The following OTUD7B variants were observed in gnomAD, a reference collection of about 807,000 sequenced individuals.
The protein encoded by OTUD7B is OTU deubiquitinase 7B, also known as OTU domain-containing protein 7B.
OTUD7B carries 34 observed loss-of-function variants against 82.2 expected under a neutral mutation model. That is an observed-to-expected ratio of 0.41 (90% CI 0.31 to 0.55). The LOEUF is 0.55. Ranked by LOEUF, OTUD7B falls within the 20% of genes least tolerant of loss-of-function variation. The probability of loss-of-function intolerance (pLI) is 0.20; values close to 1 mark genes in which losing one functional copy is unlikely to be tolerated. For missense variants in OTUD7B, 944 were observed against 1,062.1 expected (o/e 0.89, Z 1.55); for synonymous variants, 398 against 402.7 (o/e 0.99, Z 0.14).
At chr1:149,958,032 T>C (rs1648829315) in intron 7 of OTUD7B, among the ~76,000 whole-genome samples, 1 of 152,192 alleles carries the variant, frequency 6.6e-6, no homozygotes, top group Non-Finnish European at 1.5e-5. Context: ...CCGTGGGCTA[T>C]ACCCACTGTC....
intron 6 of OTUD7B, among the ~76,000 whole-genome samples, chr1:149,960,377 TTC>T (rs1649056979): frequency 2.2e-3 from 1 of 458 alleles, no homozygotes; most frequent in South Asian, 0.25. Flanking sequence ...TCTTTTCTTT[TTC>T]TTTTCTTTCC....
At chr1:150,049,629 C>CTCTTTTTTTTTTTTT in the OTUD7B span, among the ~76,000 whole-genome samples, 2 of 43,468 alleles carry the variant, frequency 4.6e-5, 1 homozygote, top group Non-Finnish European at 8.7e-5. Flanking sequence ...CTCTCTCTCT[C>CTCTTTTTTTTTTTTT]TTTCTTTTTT....
At chr1:149,945,897 C>T (rs1553771959) in intron 11 of OTUD7B, among the ~76,000 whole-genome samples, 1 of 151,690 alleles carries the variant, frequency 6.6e-6, no homozygotes, top group Non-Finnish European at 1.5e-5. Context: ...CCCATCTCTA[C>T]TAAAAATACA....
chr1:150,004,913 A>C (rs1322267362), intron 1 of OTUD7B, among the ~76,000 whole-genome samples: 1 of 152,034 alleles, frequency 6.6e-6, no homozygotes, highest in Non-Finnish European at 1.5e-5. Flanking sequence ...CCCAGGCTGG[A>C]GTGCAGTGGT....
chr1:149,942,924 G>A lies in OTUD7B; in HGVS notation c.*933C>T, dbSNP rs1252429216. The stretch of plus-strand genomic sequence containing the variant: ...CCTGTAATGCTCTACTTAGGTTTTT[G>A]GTTTTGTTTGAAACAGCCTCTGGCT... On this transcript the variant is annotated 3_prime_UTR_variant, in exon 12 of 12. Coordinates refer to ENST00000581312, the MANE Select transcript of OTUD7B (RefSeq NM_020205.4). 1 of 152,360 alleles carries A rather than the reference G, an allele frequency of 6.6e-6. No homozygotes were observed. The highest frequency in any genetic ancestry group is 1.5e-5 in the Non-Finnish European group (1 of 68,002). The allele number at this position is 152,360 out of a possible 1,614,324, so 9.4% of individuals were successfully genotyped here.
the OTUD7B span, among the ~76,000 whole-genome samples, chr1:150,030,415 T>C: frequency 1.3e-5 from 2 of 152,128 alleles, no homozygotes; most frequent in African/African-American, 2.4e-5. Context: ...CTGTTCAAGG[T>C]TAACATTCCC....
the OTUD7B span, among the ~76,000 whole-genome samples, chr1:150,042,104 ACCCTCCCTCCCT>A: frequency 0.038 from 2,145 of 55,934 alleles, 90 homozygotes; most frequent in African/African-American, 0.13. Context: ...AGAGGTGCAG[ACCCTCCCTCCCT>A]CCCTCCCTCC....
rs782482324 is a variant in OTUD7B at position 149,967,353 on chromosome 1, C to T, written c.443G>A (p.Arg148His). The change falls in exon 4 of 12, where the codon CGC (arginine) becomes CAC (histidine). Residue 148 changes from arginine (R) to histidine (H), a missense_variant. By Grantham distance (29) the Arg-to-His change is conservative (BLOSUM62 0). Around this residue, in one of 3 missense-constraint regions of OTUD7B, gnomAD observed 530 missense variants for 625.6 expected, o/e 0.85. Transcript: ENST00000581312. ...PDLTVYNEDF[R>H]SFIERDLIEQ... Reference sequence around the variant, plus strand: ...AATGAGGTCTCTCTCTATGAAGCTGCGGAAGTCTTCATTGTATACAGTGAG... The same window carrying T: ...AATGAGGTCTCTCTCTATGAAGCTGTGGAAGTCTTCATTGTATACAGTGAG... 10 of 1,613,948 alleles carry T rather than the reference C, an allele frequency of 6.2e-6. No individual in the cohort carries two copies. Among genetic ancestry groups the T allele is most frequent in the East Asian group, 2.2e-5 (1 of 44,892 alleles).
At chr1:149,966,365 T>C (rs181841528) in intron 4 of OTUD7B, among the ~76,000 whole-genome samples, 3 of 152,298 alleles carry the variant, frequency 2.0e-5, no homozygotes, top group Admixed American at 2.0e-4. Flanking sequence ...GAGACCAGTA[T>C]GTATCACAGC....
At chr1:150,046,235 C>T in the OTUD7B span, among the ~76,000 whole-genome samples, 1 of 152,026 alleles carries the variant, frequency 6.6e-6, no homozygotes, top group Non-Finnish European at 1.5e-5. Context: ...CAATCTTCCC[C>T]CAAAACCTGC....
chr1:149,947,659 T>A (rs57594441), intron 10 of OTUD7B, among the ~76,000 whole-genome samples: 2,380 of 152,218 alleles, frequency 0.016, 51 homozygotes, highest in African/African-American at 0.051. Context: ...ATTGTTGTTG[T>A]TGTAAATATT....
At chr1:150,014,036 GTATATATGTGTGTGTATA>G (rs1191598429), upstream of OTUD7B, among the ~76,000 whole-genome samples, 1 of 102,672 alleles carries the variant, frequency 9.7e-6, no homozygotes, top group Non-Finnish European at 1.9e-5. Flanking sequence ...GTATATATAC[GTATATATGTGTGTGTATA>G]TATATGTGTG....
the OTUD7B span, among the ~76,000 whole-genome samples, chr1:150,041,409 T>C: frequency 1.3e-5 from 2 of 152,190 alleles, no homozygotes; most frequent in Non-Finnish European, 1.5e-5. Context: ...CTCAGCTCAC[T>C]GCATCCTCCG....
At chr1:149,976,740 T>C (rs1182753096) in intron 2 of OTUD7B, among the ~76,000 whole-genome samples, 8 of 152,078 alleles carry the variant, frequency 5.3e-5, no homozygotes, top group Non-Finnish European at 1.0e-4. Context: ...ATGTATGTTA[T>C]GTAAGGAAAG....
upstream of OTUD7B, among the ~76,000 whole-genome samples, chr1:150,012,592 G>A (rs368010439): frequency 1.3e-5 from 2 of 152,032 alleles, no homozygotes; most frequent in East Asian, 1.9e-4. Flanking sequence ...AGAACCAGGC[G>A]TGGAGCTCAA....
At chr1:150,029,974 C>T in the OTUD7B span, among the ~76,000 whole-genome samples, 6 of 152,148 alleles carry the variant, frequency 3.9e-5, no homozygotes, top group Non-Finnish European at 8.8e-5. Context: ...ACTGTTCATG[C>T]ACTGGTTCTC....
the OTUD7B span, among the ~76,000 whole-genome samples, chr1:150,043,758 C>T: frequency 7.9e-5 from 12 of 152,076 alleles, 1 homozygote; most frequent in Admixed American, 6.6e-5. Flanking sequence ...ATACTAGAAG[C>T]CCATTTCCTC....
At chr1:150,054,544 A>G in the OTUD7B span, 1 of 450,588 alleles carries the variant, frequency 2.2e-6, no homozygotes, top group South Asian at 1.6e-5. Context: ...ATGGTGACTC[A>G]TGTCTGTAAT....
Position 149,942,251 on chromosome 1 carries a change from C to T in OTUD7B, c.*1606G>A, listed in dbSNP as rs1213253308. 6.5e-6 allele frequency: 1 copy of T among 152,714 alleles called. No individual in the cohort carries two copies. The highest frequency in any genetic ancestry group is 6.5e-5 in the Admixed American group (1 of 15,300). 9.5% of individuals were successfully genotyped at this position (152,714 alleles called of 1,614,324 possible). A position where few individuals can be genotyped will look rare whatever the true frequency, so the allele number is the denominator to read the frequency against. The stretch of plus-strand genomic sequence containing the variant: ...AGTTAATACTCTGGACACATAAGTA[C>T]ACTTATTCCCCTTCTTCACATGCAC... On this transcript the variant is annotated 3_prime_UTR_variant, in exon 12 of 12. Coordinates refer to ENST00000581312, the MANE Select transcript of OTUD7B (RefSeq NM_020205.4).
Sources: gnomAD v4.1 joint callset for allele counts (sites outside exome capture counted in the v4.1 genomes callset) on GRCh38, gnomAD v4.1.1 for gene constraint, gnomAD v4.1.1 regional missense constraint, MANE v1.5 for transcripts, NCBI Gene and HGNC (gene_info 2026-07-23, HGNC 2026-07-21) for gene names.